The following CADM2 variants were observed in gnomAD, a reference collection of about 807,000 sequenced individuals.
CADM2 encodes the protein cell adhesion molecule 2.
CADM2 carries 12 observed loss-of-function variants against 49.8 expected under a neutral mutation model. The ratio of observed to expected loss-of-function variants is 0.24; its 90% CI spans 0.15 to 0.39. The LOEUF (loss-of-function observed/expected upper bound fraction) is 0.39, where lower values mean the gene tolerates loss of function less well. Among genes scored for constraint, CADM2 ranks in the 10% least tolerant of loss-of-function variants. The pLI, the probability that CADM2 is intolerant of heterozygous loss-of-function variation, is 1.00. For synonymous variants in CADM2, 214 were observed against 175.4 expected (o/e 1.22, Z -1.74); for missense variants, 378 against 492.3 (o/e 0.77, Z 2.20).
At chr3:85,816,677 A>G (rs538263884) in intron 3 of CADM2, among the ~76,000 whole-genome samples, 10 of 152,322 alleles carry the variant, frequency 6.6e-5, no homozygotes, top group African/African-American at 2.4e-4. Context: ...TTTTAATATC[A>G]AAAGGCTTTT....
At chr3:85,474,160 G>T (rs1447794223) in intron 1 of CADM2, among the ~76,000 whole-genome samples, 1 of 151,740 alleles carries the variant, frequency 6.6e-6, no homozygotes, top group Non-Finnish European at 1.5e-5. Flanking sequence ...GTGTGTGTGT[G>T]TTGTGTGTTT....
chr3:85,895,455 T>G (rs772351154), intron 5 of CADM2, among the ~76,000 whole-genome samples: 11 of 152,214 alleles, frequency 7.2e-5, no homozygotes, highest in Non-Finnish European at 1.2e-4. Context: ...TAACTACATT[T>G]GATTTTACAG....
intron 1 of CADM2, among the ~76,000 whole-genome samples, chr3:85,650,468 G>A (rs1206506021): frequency 6.6e-6 from 1 of 150,912 alleles, no homozygotes; most frequent in African/African-American, 2.4e-5. Context: ...GTGTTAGTGT[G>A]TGGGTGTTTG....
At chr3:85,151,767 A>G (rs1288603951) in intron 1 of CADM2, among the ~76,000 whole-genome samples, 1 of 152,196 alleles carries the variant, frequency 6.6e-6, no homozygotes, top group East Asian at 1.9e-4. Flanking sequence ...TCAAAGGTAG[A>G]TTGAGTCAGG....
At chr3:85,987,107 C>G (rs933575796) in intron 8 of CADM2, among the ~76,000 whole-genome samples, 1 of 151,950 alleles carries the variant, frequency 6.6e-6, no homozygotes, top group Non-Finnish European at 1.5e-5. Flanking sequence ...TGAACTCTGA[C>G]ACAATTTGAA....
At chr3:85,056,757 A>G (rs573280646) in intron 1 of CADM2, among the ~76,000 whole-genome samples, 1 of 152,280 alleles carries the variant, frequency 6.6e-6, no homozygotes, top group South Asian at 2.1e-4. Context: ...ATTACTTCTC[A>G]TCTTCTGTAA....
At chr3:85,282,287 A>G (rs2043521428) in intron 1 of CADM2, among the ~76,000 whole-genome samples, 1 of 129,700 alleles carries the variant, frequency 7.7e-6, no homozygotes, top group African/African-American at 3.0e-5. Context: ...TTTTTCGGAC[A>G]GTCTCACTCT....
At chr3:85,842,434 A>T (rs924222402) in intron 3 of CADM2, among the ~76,000 whole-genome samples, 2 of 152,034 alleles carry the variant, frequency 1.3e-5, no homozygotes, top group African/African-American at 4.8e-5. Context: ...GACAGCTGCT[A>T]TTTTTTTCAT....
intron 1 of CADM2, among the ~76,000 whole-genome samples, chr3:85,686,201 A>G (rs2066210858): frequency 6.6e-6 from 1 of 152,204 alleles, no homozygotes; most frequent in African/African-American, 2.4e-5. Flanking sequence ...CTAACATTGA[A>G]GACTAAAGAC....
intron 1 of CADM2, among the ~76,000 whole-genome samples, chr3:85,573,644 A>G (rs1321099541): frequency 6.6e-6 from 1 of 152,154 alleles, no homozygotes; most frequent in South Asian, 2.1e-4. Context: ...CAGGATGATA[A>G]CTTTTCTTGT....
chr3:85,680,209 G>A (rs1044934349), intron 1 of CADM2, among the ~76,000 whole-genome samples: 6 of 151,900 alleles, frequency 3.9e-5, no homozygotes, highest in Admixed American at 3.9e-4. Flanking sequence ...ATCTAGATTA[G>A]TGAAAATATA....
intron 8 of CADM2, among the ~76,000 whole-genome samples, chr3:86,049,762 G>A (rs1737129046): frequency 6.6e-6 from 1 of 152,076 alleles, no homozygotes; most frequent in Non-Finnish European, 1.5e-5. Flanking sequence ...GATCTCATGA[G>A]AACTCACTCA....
At chr3:85,720,136 A>G (rs1379656612) in intron 1 of CADM2, among the ~76,000 whole-genome samples, 3 of 152,152 alleles carry the variant, frequency 2.0e-5, no homozygotes, top group Non-Finnish European at 4.4e-5. Context: ...TTTATTTGCT[A>G]AAGGAACCAA....
chr3:85,686,883 T>C (rs2066233638), intron 1 of CADM2, among the ~76,000 whole-genome samples: 1 of 152,226 alleles, frequency 6.6e-6, no homozygotes, highest in African/African-American at 2.4e-5. Flanking sequence ...TGTCTTGCCT[T>C]TTCAGACAGA....
At chr3:85,859,341 C>T (rs1372094403) in intron 3 of CADM2, among the ~76,000 whole-genome samples, 1 of 146,084 alleles carries the variant, frequency 6.8e-6, no homozygotes, top group Non-Finnish European at 1.5e-5. Context: ...AGCGATTCTC[C>T]TGCCTCAGCC....
chr3:85,983,535 A>C (rs940400908), intron 8 of CADM2, among the ~76,000 whole-genome samples: 1 of 151,714 alleles, frequency 6.6e-6, no homozygotes, highest in Non-Finnish European at 1.5e-5. Flanking sequence ...TGAAAACATA[A>C]GCAATACTCA....
At chr3:85,036,258 C>G (rs2035204392) in intron 1 of CADM2, among the ~76,000 whole-genome samples, 1 of 151,660 alleles carries the variant, frequency 6.6e-6, no homozygotes, top group Non-Finnish European at 1.5e-5. Flanking sequence ...TTCAAACAAT[C>G]TAGAGAGTAG....
At chr3:85,544,360 C>G (rs918658839) in intron 1 of CADM2, among the ~76,000 whole-genome samples, 1 of 152,056 alleles carries the variant, frequency 6.6e-6, no homozygotes, top group African/African-American at 2.4e-5. Context: ...GGGCGGATCA[C>G]GAGGTCAGGA....
At chr3:85,637,328 C>T (rs1381650719) in intron 1 of CADM2, among the ~76,000 whole-genome samples, 2 of 151,818 alleles carry the variant, frequency 1.3e-5, no homozygotes, top group African/African-American at 4.8e-5. Context: ...ATTGGCCGGG[C>T]GCGGTGGCTC....
Sources: gnomAD v4.1 joint callset for allele counts (sites outside exome capture counted in the v4.1 genomes callset) on GRCh38, gnomAD v4.1.1 for gene constraint, MANE v1.5 for transcripts, NCBI Gene and HGNC (gene_info 2026-07-23, HGNC 2026-07-21) for gene names.